ARMH4: variants seen among roughly 807,000 people sequenced by gnomAD.
ARMH4 encodes the protein armadillo like helical domain containing 4.
ARMH4 carries 49 observed loss-of-function variants against 61.9 expected under a neutral mutation model. That is an observed-to-expected ratio of 0.79 (90% CI 0.63 to 1.00). The LOEUF (loss-of-function observed/expected upper bound fraction) is 1.00, where lower values mean the gene tolerates loss of function less well. ARMH4 is among the 50% of genes least tolerant of loss of function. ARMH4 has a pLI of 0.00. For synonymous variants in ARMH4, 368 were observed against 341.5 expected, an observed-to-expected ratio of 1.08 and a Z score of -0.85; for missense variants, 934 against 930.0, an observed-to-expected ratio of 1.00 and a Z score of -0.06.
chr14:58,017,373 T>C lies in ARMH4; in HGVS notation c.2090-5223A>G, dbSNP rs1031073103. ...TTTGCAGATGACATAATCTTATTTG[T>C]ATAAAAATGTAAAACTAAAAACTCC... On this transcript the variant is annotated intron_variant, in intron 5 of 7. Coordinates refer to ENST00000267485, the MANE Select transcript of ARMH4 (RefSeq NM_001001872.4). Among the ~76,000 whole-genome samples, 3 of 152,254 alleles carry C rather than the reference T, an allele frequency of 2.0e-5. 1 individual carries two copies. The South Asian group carries it at 6.2e-4, about 32-fold the overall frequency.
intron 5 of ARMH4, among the ~76,000 whole-genome samples, chr14:58,057,031 A>C (rs1884369610): frequency 6.6e-6 from 1 of 152,198 alleles, no homozygotes; most frequent in Admixed American, 6.5e-5. Flanking sequence ...GCACAACTTC[A>C]GAAGGACCCT....
chr14:58,064,654 A>G (rs1255768246), intron 5 of ARMH4, among the ~76,000 whole-genome samples: 1 of 152,176 alleles, frequency 6.6e-6, no homozygotes, highest in Non-Finnish European at 1.5e-5. Context: ...AGAACTTACC[A>G]AATTATTTTT....
At chr14:58,062,049 G>A (rs962660636) in intron 5 of ARMH4, among the ~76,000 whole-genome samples, 3 of 152,064 alleles carry the variant, frequency 2.0e-5, no homozygotes, top group African/African-American at 7.2e-5. Context: ...CTTAAGAAGA[G>A]CAAAGGTGGC....
chr14:58,046,101 T>C (rs546618972), intron 5 of ARMH4, among the ~76,000 whole-genome samples: 3 of 152,332 alleles, frequency 2.0e-5, no homozygotes, highest in African/African-American at 4.8e-5. Context: ...TCTTTTGTTA[T>C]GGCAGCCCAA....
At chr14:58,044,590 A>G (rs985009443) in intron 5 of ARMH4, among the ~76,000 whole-genome samples, 6 of 152,294 alleles carry the variant, frequency 3.9e-5, no homozygotes, top group Admixed American at 6.5e-5. Context: ...AAAAGCAATG[A>G]CAACAAAAGC....
intron 5 of ARMH4, among the ~76,000 whole-genome samples, chr14:58,014,465 G>A (rs1267854663): frequency 1.3e-5 from 2 of 152,150 alleles, no homozygotes; most frequent in Admixed American, 6.5e-5. Context: ...CTTATATAGA[G>A]AGATGGCAAC....
intron 1 of ARMH4, 26 bp from the exon 2 acceptor site, chr14:58,139,440 C>T (rs753739907): frequency 7.8e-7 from 1 of 1,282,574 alleles, no homozygotes. Context: ...GCATATCAAA[C>T]TGTCATATAA....
intron 1 of ARMH4, among the ~76,000 whole-genome samples, chr14:58,142,452 TTCTTTTCTTTTCTTTTCTCTTC>T (rs1470348724): frequency 2.6e-5 from 4 of 151,902 alleles, no homozygotes; most frequent in African/African-American, 4.8e-5. Flanking sequence ...CTTTTTTTGT[TTCTTTTCTTTTCTTTTCTCTTC>T]TCTTTTCTTT....
At chr14:58,077,260 A>G (rs1465581245) in intron 5 of ARMH4, among the ~76,000 whole-genome samples, 2 of 152,206 alleles carry the variant, frequency 1.3e-5, no homozygotes, top group Non-Finnish European at 2.9e-5. Flanking sequence ...AAGATGGTAA[A>G]GAGTGAGAAT....
rs770104199 is a variant in ARMH4, at chr14:58,138,457, C to T, written c.902G>A (p.Ser301Asn). 1 of 1,614,256 alleles carries T rather than the reference C, an allele frequency of 6.2e-7. No homozygotes were observed. Among genetic ancestry groups the T allele is most frequent in the Non-Finnish European group, 8.5e-7 (1 of 1,180,050 alleles). ...LGAPEVTVSV[S>N]TAVPAASALS... is the part of the protein sequence containing the mutation. The stretch of plus-strand genomic sequence containing the variant: ...GGCAGAGGCAGCTGGAACAGCTGTG[C>T]TGACACTCACTGTGACTTCTGGGGC... The change falls in exon 2 of 8, where the codon AGC (serine) becomes AAC (asparagine). Residue 301 changes from serine to asparagine, a missense_variant. Physicochemically the swap from Ser to Asn is conservative, Grantham distance 46. Transcript: ENST00000267485.
intron 5 of ARMH4, among the ~76,000 whole-genome samples, chr14:58,057,652 T>G (rs1487021029): frequency 1.3e-5 from 2 of 152,028 alleles, no homozygotes; most frequent in Non-Finnish European, 2.9e-5. Flanking sequence ...GTGACCAAAA[T>G]GCTGGACTGA....
At chr14:58,137,962 A>C (rs1176472492) in intron 2 of ARMH4, 28 bp downstream of exon 2, 1 of 1,565,874 alleles carries the variant, frequency 6.4e-7, no homozygotes, top group Non-Finnish European at 8.6e-7. Context: ...ATTAAACCAA[A>C]GTTTGTTTTT....
chr14:58,084,973 A>AGGC (rs1260976297), intron 5 of ARMH4, among the ~76,000 whole-genome samples: 1 of 152,388 alleles, frequency 6.6e-6, no homozygotes, highest in East Asian at 1.9e-4. Context: ...CTTCGCTTTA[A>AGGC]GGCTTTAGCA....
Position 58,138,398 on chromosome 14 carries a change from T to G in ARMH4, c.961A>C (p.Ser321Arg), listed in dbSNP as rs1360519956. The change falls in exon 2 of 8, where the codon AGT (serine) becomes CGT (arginine). Residue 321 changes from serine to arginine, a missense_variant. Ser to Arg is a moderately radical substitution (Grantham distance 110, BLOSUM62 -1). Coordinates refer to ENST00000267485, the MANE Select transcript of ARMH4 (RefSeq NM_001001872.4). Reference sequence around the variant, plus strand: ...TTGGGGGTCCTTATCCGGCTTACACTCTCTAATTTGGTGTCATCCCACTCA... The same window carrying G: ...TTGGGGGTCCTTATCCGGCTTACACGCTCTAATTTGGTGTCATCCCACTCA... ...SDEWDDTKLESVSRIRTPKLG... is the reference protein window; with the variant it reads ...SDEWDDTKLERVSRIRTPKLG... The G allele has an allele frequency of 6.2e-7, 1 of 1,614,104 alleles. No individual in the cohort carries two copies. Among genetic ancestry groups the G allele is most frequent in the Admixed American group, 1.7e-5 (1 of 60,020 alleles).
intron 5 of ARMH4, among the ~76,000 whole-genome samples, chr14:58,070,591 A>G (rs1222686678): frequency 6.6e-6 from 1 of 152,226 alleles, no homozygotes; most frequent in Non-Finnish European, 1.5e-5. Flanking sequence ...ACAAAAGCTA[A>G]GAAGAACTGT....
At chr14:58,010,306 T>G (rs761143261) in intron 6 of ARMH4, among the ~76,000 whole-genome samples, 1 of 152,152 alleles carries the variant, frequency 6.6e-6, no homozygotes, top group Non-Finnish European at 1.5e-5. Context: ...CCAGCATGTA[T>G]CAGGATCACC....
chr14:58,024,998 C>T (rs1024644594), intron 5 of ARMH4, among the ~76,000 whole-genome samples: 1 of 152,028 alleles, frequency 6.6e-6, no homozygotes, highest in African/African-American at 2.4e-5. Flanking sequence ...ATGAAAAAGC[C>T]TGAAATATCA....
chr14:58,132,099 G>C (rs532037477), intron 3 of ARMH4, among the ~76,000 whole-genome samples: 17 of 152,296 alleles, frequency 1.1e-4, no homozygotes, highest in Non-Finnish European at 2.2e-4. Flanking sequence ...AAGATCGAGT[G>C]TCTTTCTCAA....
chr14:58,001,281 A>G lies in ARMH4; in HGVS notation c.*3455T>C, dbSNP rs1237009343. 6 of 152,298 alleles carry G rather than the reference A, an allele frequency of 3.9e-5. No individual in the cohort carries two copies. The highest frequency in any genetic ancestry group is 1.2e-4 in the African/African-American group (5 of 41,554). 9.4% of individuals were successfully genotyped at this position (152,298 alleles called of 1,614,324 possible). On this transcript the variant is annotated 3_prime_UTR_variant, in exon 8 of 8. Transcript: ENST00000267485. ...ATTGATAGATATTTGCATATCTATC[A>G]ATGCAATTTCCATATCTTGGCTATT...
Sources: gnomAD v4.1 joint callset for allele counts (sites outside exome capture counted in the v4.1 genomes callset) on GRCh38, gnomAD v4.1.1 for gene constraint, MANE v1.5 for transcripts, NCBI Gene and HGNC (gene_info 2026-07-23, HGNC 2026-07-21) for gene names.